The following CDKAL1 variants were observed in gnomAD, a reference collection of about 807,000 sequenced individuals.
CDKAL1 encodes the protein CDKAL1 threonylcarbamoyladenosine tRNA methylthiotransferase.
CDKAL1 carries 32 observed loss-of-function variants against 68.2 expected under a neutral mutation model. That is an observed-to-expected ratio of 0.47 (90% CI 0.35 to 0.63). The LOEUF (loss-of-function observed/expected upper bound fraction) is 0.63, where lower values mean the gene tolerates loss of function less well. Among genes scored for constraint, CDKAL1 ranks in the 30% least tolerant of loss-of-function variants. The pLI, the probability that CDKAL1 is intolerant of heterozygous loss-of-function variation, is 0.00. For synonymous variants in CDKAL1, 234 were observed against 244.3 expected (o/e 0.96, Z 0.39); for missense variants, 606 against 696.7 (o/e 0.87, Z 1.47).
intron 9 of CDKAL1, among the ~76,000 whole-genome samples, chr6:20,951,957 CTTTTTTTT>C (rs10558500): frequency 5.4e-5 from 5 of 91,818 alleles, no homozygotes; most frequent in Non-Finnish European, 8.8e-5. Flanking sequence ...TTTTCATTTT[CTTTTTTTT>C]TTTTTTTTTT....
chr6:20,788,377 A>G (rs1013664491), intron 8 of CDKAL1, among the ~76,000 whole-genome samples: 1 of 152,224 alleles, frequency 6.6e-6, no homozygotes, highest in Non-Finnish European at 1.5e-5. Context: ...ATATTTGCAC[A>G]CCGTAAGGTG....
At chr6:21,015,914 C>T (rs1768300429) in intron 11 of CDKAL1, among the ~76,000 whole-genome samples, 1 of 148,896 alleles carries the variant, frequency 6.7e-6, no homozygotes, top group Non-Finnish European at 1.5e-5. Flanking sequence ...TGCCACTGAA[C>T]TTCAGCCTGG....
At chr6:20,882,650 T>C (rs1450236512) in intron 9 of CDKAL1, among the ~76,000 whole-genome samples, 1 of 152,214 alleles carries the variant, frequency 6.6e-6, no homozygotes, top group African/African-American at 2.4e-5. Flanking sequence ...TGCTATTCCA[T>C]TGTATGAATG....
At chr6:20,685,886 G>A (rs375118700) in intron 5 of CDKAL1, among the ~76,000 whole-genome samples, 12 of 152,024 alleles carry the variant, frequency 7.9e-5, no homozygotes, top group East Asian at 3.9e-4. Context: ...ATCAAGCCTG[G>A]CTCTTGTAGT....
intron 13 of CDKAL1, among the ~76,000 whole-genome samples, chr6:21,159,490 A>G (rs1022104267): frequency 2.0e-5 from 3 of 152,184 alleles, no homozygotes; most frequent in Non-Finnish European, 2.9e-5. Context: ...CTCTTCATAT[A>G]CATCACACTT....
chr6:20,945,818 T>G (rs1434897918), intron 9 of CDKAL1, among the ~76,000 whole-genome samples: 1 of 152,254 alleles, frequency 6.6e-6, no homozygotes, highest in Non-Finnish European at 1.5e-5. Context: ...TATTTATTTC[T>G]ATTTACATTT....
intron 10 of CDKAL1, among the ~76,000 whole-genome samples, chr6:20,974,853 C>T (rs953298218): frequency 6.6e-6 from 1 of 151,088 alleles, no homozygotes; most frequent in African/African-American, 2.4e-5. Context: ...GTTGTATGCT[C>T]CTGTAGTACC....
At chr6:21,049,817 CTT>C (rs58277582) in intron 11 of CDKAL1, among the ~76,000 whole-genome samples, 56 of 137,016 alleles carry the variant, frequency 4.1e-4, no homozygotes, top group African/African-American at 4.2e-4. Flanking sequence ...GTCTCTCATC[CTT>C]TTTTTTTTTT....
chr6:20,741,385 C>T (rs1056728946), intron 6 of CDKAL1, among the ~76,000 whole-genome samples: 1 of 151,932 alleles, frequency 6.6e-6, no homozygotes, highest in Admixed American at 6.6e-5. Flanking sequence ...GTTAAACACG[C>T]GTCTGTTGTA....
intron 13 of CDKAL1, among the ~76,000 whole-genome samples, chr6:21,195,930 T>C (rs938734857): frequency 1.3e-5 from 2 of 152,196 alleles, no homozygotes; most frequent in East Asian, 3.8e-4. Context: ...TAGTGCACAT[T>C]GCGGTTCTCC....
chr6:20,946,016 C>T (rs1236099169), intron 9 of CDKAL1, among the ~76,000 whole-genome samples: 1 of 152,124 alleles, frequency 6.6e-6, no homozygotes. Flanking sequence ...TTTTCATGAG[C>T]ATAAGTATGA....
chr6:20,832,819 A>G (rs1365472223), intron 8 of CDKAL1, among the ~76,000 whole-genome samples: 1 of 152,216 alleles, frequency 6.6e-6, no homozygotes, highest in African/African-American at 2.4e-5. Flanking sequence ...AATGACATAT[A>G]ATGACATAGT....
chr6:21,066,648 G>A (rs1462489284), intron 12 of CDKAL1, among the ~76,000 whole-genome samples: 1 of 152,086 alleles, frequency 6.6e-6, no homozygotes, highest in Admixed American at 6.6e-5. Flanking sequence ...TTCAGACAGG[G>A]TATCGCTCTG....
At chr6:21,035,569 AT>A (rs1277936270) in intron 11 of CDKAL1, among the ~76,000 whole-genome samples, 1 of 152,146 alleles carries the variant, frequency 6.6e-6, no homozygotes, top group Non-Finnish European at 1.5e-5. Context: ...ATTTCTACAG[AT>A]TTTTTATTGA....
intron 9 of CDKAL1, among the ~76,000 whole-genome samples, chr6:20,895,832 G>A (rs1761652805): frequency 1.3e-5 from 2 of 152,092 alleles, no homozygotes; most frequent in Non-Finnish European, 2.9e-5. Context: ...ATGGCAATAT[G>A]CATATTTCAA....
At chr6:21,056,286 T>C (rs1356250159) in intron 11 of CDKAL1, among the ~76,000 whole-genome samples, 1 of 152,206 alleles carries the variant, frequency 6.6e-6, no homozygotes, top group Non-Finnish European at 1.5e-5. Context: ...TTTGAGGCAA[T>C]TGTGAATGGG....
At chr6:21,195,510 T>TTTAC (rs2151102460) in intron 13 of CDKAL1, among the ~76,000 whole-genome samples, 1 of 128,494 alleles carries the variant, frequency 7.8e-6, no homozygotes, top group African/African-American at 2.6e-5. Flanking sequence ...TATTTATTTA[T>TTTAC]TTATTTATTT....
intron 10 of CDKAL1, among the ~76,000 whole-genome samples, chr6:20,986,780 C>A (rs1581969359): frequency 6.6e-6 from 1 of 151,958 alleles, no homozygotes; most frequent in Non-Finnish European, 1.5e-5. Flanking sequence ...TATGGCAGGT[C>A]ACTAGATTAT....
intron 12 of CDKAL1, among the ~76,000 whole-genome samples, chr6:21,079,035 G>T (rs1423330339): frequency 6.6e-6 from 1 of 152,142 alleles, no homozygotes; most frequent in Admixed American, 6.5e-5. Flanking sequence ...GAAGTGGGGG[G>T]TGCCTGTGTG....
Sources: gnomAD v4.1 joint callset for allele counts (sites outside exome capture counted in the v4.1 genomes callset) on GRCh38, gnomAD v4.1.1 for gene constraint, MANE v1.5 for transcripts, NCBI Gene and HGNC (gene_info 2026-07-23, HGNC 2026-07-21) for gene names.